The following CTDP1 variants were observed in gnomAD, a reference collection of about 807,000 sequenced individuals.
CTDP1 encodes RNA polymerase II subunit A C-terminal domain phosphatase.
In CTDP1, 47 loss-of-function variants were observed where a neutral mutation model predicts 91.8. The observed-to-expected ratio is 0.51, with a 90% CI of 0.41 to 0.65. The LOEUF (loss-of-function observed/expected upper bound fraction) is 0.65. Ranked by LOEUF, CTDP1 falls within the 30% of genes least tolerant of loss-of-function variation. CTDP1 has a pLI of 0.00. For synonymous variants in CTDP1, 656 were observed against 598.5 expected (o/e 1.10, Z -1.40); for missense variants, 1,272 against 1,373.7 (o/e 0.93, Z 1.17).
At position 79,754,039 on chromosome 18, in the gene CTDP1, G is replaced by C. The variant is rs565770112; in HGVS notation, c.*249G>C. ...GTGTGCTGTGCCAAAGAGCTCAGCA[G>C]AGGCTCACGTGGCCCAGGCTGGTGC... On this transcript the variant is annotated 3_prime_UTR_variant, in exon 13 of 13. Coordinates refer to ENST00000613122, the MANE Select transcript of CTDP1 (RefSeq NM_004715.5). 1 of 562,966 alleles carries C rather than the reference G, an allele frequency of 1.8e-6. No homozygotes were observed. The highest frequency in any genetic ancestry group is 3.1e-5 in the Admixed American group (1 of 31,772). The allele number at this position is 562,966 out of a possible 1,614,324, so 34.9% of individuals were successfully genotyped here. A position where few individuals can be genotyped will look rare whatever the true frequency, so the allele number is the denominator to read the frequency against.
Position 79,713,234 on chromosome 18 carries a change from C to G in CTDP1, c.1030+96C>G, listed in dbSNP as rs1041513582. ...ATCTCTGTTTTGACTGCTATAAATT[C>G]AAGATACACTTTTTTTATTTGTGTT... is the stretch of plus-strand genomic sequence containing the variant. On this transcript the variant is annotated intron_variant, in intron 7 of 12. Coordinates refer to ENST00000613122, the MANE Select transcript of CTDP1 (RefSeq NM_004715.5). This position sits in a 1 kb window ranked among gnomAD's most constrained non-coding sequence, Gnocchi z 4.7. 1 of 1,227,452 alleles carries G rather than the reference C, an allele frequency of 8.1e-7. No individual in the cohort carries two copies. Among genetic ancestry groups the G allele is most frequent in the Non-Finnish European group, 1.2e-6 (1 of 858,146 alleles). The allele number at this position is 1,227,452 out of a possible 1,614,324, so 76.0% of individuals were successfully genotyped here.
Position 79,725,827 on chromosome 18 carries a change from G to A in CTDP1, c.2418-3080G>A, listed in dbSNP as rs147098959. 1.7e-4 allele frequency among the ~76,000 whole-genome samples: 26 copies of A among 152,086 alleles called. No individual in the cohort carries two copies. The East Asian group carries it at 4.3e-3, about 25-fold the overall frequency. ...CTCTGGGTTGATCTTCCTTTTTCTC[G>A]GGGCCTGAAAAACATCCGGCTTCCT... On this transcript the variant is annotated intron_variant, in intron 10 of 12. Transcript: ENST00000613122.
chr18:79,728,855 A>G lies in CTDP1; in HGVS notation c.2418-52A>G. On this transcript the variant is annotated intron_variant, in intron 10 of 12. Transcript: ENST00000613122. Reference sequence around the variant, plus strand: ...CCAGGAGTCTGATTCGGTGCGGAAAAGTGCCATTCGAACTGACCTTCCTCA... The same window carrying G: ...CCAGGAGTCTGATTCGGTGCGGAAAGGTGCCATTCGAACTGACCTTCCTCA... The G allele has an allele frequency of 3.8e-6, 6 of 1,593,000 alleles. No individual in the cohort carries two copies. The South Asian group carries it at 6.6e-5, about 18-fold the overall frequency.
At chr18:79,717,760 C>T in intron 9 of CTDP1, 50 bp from the exon 10 acceptor site, 1 of 1,613,702 alleles carries the variant, frequency 6.2e-7, no homozygotes, top group East Asian at 2.2e-5. Flanking sequence ...GGCAGTGCCC[C>T]TCATCACCCG....
At chr18:79,702,673 T>G (rs1402021579) in intron 4 of CTDP1, 2 of 149,096 alleles carry the variant, frequency 1.3e-5, no homozygotes, top group Non-Finnish European at 3.0e-5. Flanking sequence ...CCACGCCCGG[T>G]GATTTTTAAT....
chr18:79,731,022 A>G lies in CTDP1; in HGVS notation c.2580+1953A>G, dbSNP rs536138549. On this transcript the variant is annotated intron_variant, in intron 11 of 12. Coordinates refer to ENST00000613122, the MANE Select transcript of CTDP1 (RefSeq NM_004715.5). ...TCCATGTGCTTGGGGCAGATGAGGC[A>G]GCTTCACCCCAGATAAGCCTGTCTC... Among the ~76,000 whole-genome samples, 296 of 152,292 alleles carry G rather than the reference A, an allele frequency of 1.9e-3. 2 individuals carry two copies. Among genetic ancestry groups the G allele is most frequent in the African/African-American group, 6.0e-3 (248 of 41,564 alleles).
In CTDP1 at chr18:79,720,423, ATGTCACCTCCCATCGTGTCCTGGTGATGC is replaced by A. The variant is rs542374998; in HGVS notation, c.2417+2418_2417+2446del. On this transcript the variant is annotated intron_variant, in intron 10 of 12. Transcript: ENST00000613122. ...TCATTAGGAAGGCGTCCTGGTGATGATGTCACCTCCCATCGTGTCCTGGTGATGCTGTCACCTCCTGTCATTAGGAGGGC... is the reference window on the plus strand; with the variant it reads ...TCATTAGGAAGGCGTCCTGGTGATGATGTCACCTCCTGTCATTAGGAGGGC... Among the ~76,000 whole-genome samples the A allele has an allele frequency of 1.2e-3, 179 of 148,390 alleles. 4 individuals carry two copies. In the East Asian group the frequency reaches 0.032, roughly 27 times the overall value.
chr18:79,704,649 G>T, intron 4 of CTDP1, 118 bp from the exon 5 acceptor site: 1 of 1,397,034 alleles, frequency 7.2e-7, no homozygotes, highest in Non-Finnish European at 1.0e-6. Context: ...CGTGTCTTCA[G>T]AACGCTTGTC....
intron 10 of CTDP1, among the ~76,000 whole-genome samples, chr18:79,727,333 CGTTCGCGGT>C (rs1444738329): frequency 3.9e-5 from 6 of 152,186 alleles, no homozygotes; most frequent in Non-Finnish European, 1.5e-5. Flanking sequence ...GGAAGCACAG[CGTTCGCGGT>C]GTTCGCGGGA....
At chr18:79,682,488 G>A (rs1568168840) in intron 1 of CTDP1, among the ~76,000 whole-genome samples, 1 of 152,236 alleles carries the variant, frequency 6.6e-6, no homozygotes, top group African/African-American at 2.4e-5. Context: ...TCTCCAGGAC[G>A]TTGAGTTCCA....
intron 5 of CTDP1, among the ~76,000 whole-genome samples, chr18:79,705,374 G>A (rs972454216): frequency 2.0e-5 from 3 of 152,072 alleles, no homozygotes; most frequent in South Asian, 2.1e-4. Context: ...GCCAGGCTAC[G>A]GTGCCCTCTG....
intron 5 of CTDP1, among the ~76,000 whole-genome samples, chr18:79,707,832 G>A (rs1490886125): frequency 1.3e-5 from 2 of 152,156 alleles, no homozygotes; most frequent in African/African-American, 2.4e-5. Context: ...GGTGGTCGCC[G>A]AGCATCTGCT....
At chr18:79,692,354 C>T (rs575819366) in intron 1 of CTDP1, among the ~76,000 whole-genome samples, 2 of 152,250 alleles carry the variant, frequency 1.3e-5, no homozygotes, top group South Asian at 4.2e-4. Context: ...CTGGACTCCT[C>T]TGTTCCATGC....
At chr18:79,687,715 C>T (rs2085534024) in intron 1 of CTDP1, among the ~76,000 whole-genome samples, 1 of 151,880 alleles carries the variant, frequency 6.6e-6, no homozygotes. Context: ...TGGGCATGCA[C>T]CGGAGCAGTT....
intron 1 of CTDP1, 32 bp downstream of exon 1, chr18:79,680,293 C>T: frequency 1.6e-6 from 2 of 1,240,356 alleles, no homozygotes; most frequent in East Asian, 3.2e-5. Flanking sequence ...GGGCCGAGGG[C>T]GGGCGGCTCC....
intron 1 of CTDP1, among the ~76,000 whole-genome samples, chr18:79,684,023 A>G (rs2085431568): frequency 6.6e-6 from 1 of 152,256 alleles, no homozygotes; most frequent in African/African-American, 2.4e-5. Flanking sequence ...AAAACATAGC[A>G]TTAAATCTGC....
chr18:79,714,911 G>T lies in CTDP1; in HGVS notation c.1451G>T (p.Arg484Leu). The change falls in exon 8 of 13, where the codon CGG becomes CTG. Residue 484 changes from arginine to leucine, a missense_variant. Arg to Leu is a moderately radical substitution (Grantham distance 102, BLOSUM62 -2). Transcript: ENST00000613122. ...SDGESEGKRGRQKPKAAPEGA... is the reference protein window; with the variant it reads ...SDGESEGKRGLQKPKAAPEGA... The stretch of plus-strand genomic sequence containing the variant: ...GGCGAAAGCGAGGGGAAAAGAGGCC[G>T]GCAGAAGCCGAAGGCTGCCCCAGAG... 6.4e-7 allele frequency: 1 copy of T among 1,567,380 alleles called. No individual in the cohort carries two copies. The highest frequency in any genetic ancestry group is 2.3e-5 in the East Asian group (1 of 42,880).
intron 3 of CTDP1, 102 bp from the exon 4 acceptor site, chr18:79,697,758 G>C: frequency 2.6e-6 from 4 of 1,550,156 alleles, no homozygotes; most frequent in Non-Finnish European, 3.5e-6. Flanking sequence ...GGGGGCTGGA[G>C]GGGAACACAT....
rs183131657 is a variant in CTDP1, at chr18:79,753,804, G to T, written c.*14G>T. On this transcript the variant is annotated 3_prime_UTR_variant, in exon 13 of 13. Coordinates refer to ENST00000613122, the MANE Select transcript of CTDP1 (RefSeq NM_004715.5). ...GACCTCATGTGAGCGCGGGCAGCGG[G>T]CAGGGACTGAAGCCTGACCGACCTC... 4,363 of 1,611,720 alleles carry T rather than the reference G, an allele frequency of 2.7e-3. 67 individuals carry two copies. The highest frequency in any genetic ancestry group is 8.2e-3 in the African/African-American group (616 of 75,012).
Sources: gnomAD v4.1 joint callset for allele counts (sites outside exome capture counted in the v4.1 genomes callset) on GRCh38, gnomAD v4.1.1 for gene constraint, Gnocchi (gnomAD v3.1) non-coding constraint, MANE v1.5 for transcripts, NCBI Gene and HGNC (gene_info 2026-07-23, HGNC 2026-07-21) for gene names.